Variants in ATP1B4 observed in about 807,000 individuals in gnomAD.
The protein encoded by ATP1B4 is protein ATP1B4.
ATP1B4 carries 32 observed loss-of-function variants against 29.6 expected under a neutral mutation model. That is an observed-to-expected ratio of 1.08 (90% CI 0.82 to 1.45). The LOEUF (loss-of-function observed/expected upper bound fraction) is 1.45, where lower values mean the gene tolerates loss of function less well. Ranked by LOEUF, ATP1B4 falls within the 40% of genes most tolerant of loss-of-function variation. The pLI, the probability that ATP1B4 is intolerant of heterozygous loss-of-function variation, is 0.00. For synonymous variants in ATP1B4, 127 were observed against 102.1 expected (o/e 1.24, Z -1.47); for missense variants, 323 against 276.2 (o/e 1.17, Z -1.20).
intron 7 of ATP1B4, among the ~76,000 whole-genome samples, chrX:120,379,018 CAG>C (rs896688280): frequency 2.7e-5 from 3 of 111,302 alleles, no homozygotes; most frequent in Non-Finnish European, 5.7e-5. Context: ...GGTTCAGAGA[CAG>C]AAAGTGACTT....
rs894682183 is a variant in ATP1B4 at position 120,375,395 on chromosome X, G to A, written c.586G>A (p.Glu196Lys). The change falls in exon 5 of 8, where the codon GAA becomes AAA. Residue 196 changes from glutamate to lysine, a missense_variant. Glu to Lys is a moderately conservative substitution (Grantham distance 56). Coordinates refer to ENST00000218008, the MANE Select transcript of ATP1B4 (RefSeq NM_001142447.3). ...LQGYNDSLQE[E>K]MNVDCPPGQY... Reference sequence around the variant, plus strand: ...AGGTTATAATGACAGTCTTCAAGAGGAAATGAATGTAGATTGTCCCCCGGG... The same window carrying A: ...AGGTTATAATGACAGTCTTCAAGAGAAAATGAATGTAGATTGTCCCCCGGG... 8 of 1,207,676 alleles carry A rather than the reference G, an allele frequency of 6.6e-6. No homozygotes were observed. The highest frequency in any genetic ancestry group is 8.9e-6 in the Non-Finnish European group (8 of 894,221).
At chrX:120,363,687 C>G (rs998064189) in intron 1 of ATP1B4, among the ~76,000 whole-genome samples, 2 of 111,524 alleles carry the variant, frequency 1.8e-5, no homozygotes, top group Admixed American at 1.9e-4. Context: ...CAAAATGGAG[C>G]TACCCTCTGT....
rs555851319 is a variant in ATP1B4 at position 120,376,513 on chromosome X, T to G, written c.816+77T>G. On this transcript the variant is annotated intron_variant, in intron 6 of 7. Transcript: ENST00000218008. ...AGGTAGTCCATCACTTTCAAGGACT[T>G]ACACATGGATGGTAGGCTAAGGAAA... 21 of 871,984 alleles carry G rather than the reference T, an allele frequency of 2.4e-5. No individual in the cohort carries two copies. The African/African-American group carries it at 3.7e-4, about 16-fold the overall frequency. 71.9% of individuals were successfully genotyped at this position (871,984 alleles called of 1,213,427 possible). A position where few individuals can be genotyped will look rare whatever the true frequency, so the allele number is the denominator to read the frequency against.
At chrX:120,374,628 TA>T (rs2058333955) in intron 4 of ATP1B4, among the ~76,000 whole-genome samples, 11 of 56,110 alleles carry the variant, frequency 2.0e-4, no homozygotes, top group African/African-American at 6.3e-4. Context: ...CCCTTATATA[TA>T]ATATAATATT....
intron 2 of ATP1B4, among the ~76,000 whole-genome samples, chrX:120,367,695 G>T (rs907600046): frequency 8.1e-5 from 9 of 111,768 alleles, no homozygotes; most frequent in African/African-American, 2.9e-4. Flanking sequence ...CTAGTGCCAA[G>T]GGTCTAGGTT....
At chrX:120,371,028 A>C (rs772043792) in intron 3 of ATP1B4, 78 bp from the exon 4 acceptor site, 1 of 1,050,806 alleles carries the variant, frequency 9.5e-7, no homozygotes, top group African/African-American at 1.9e-5. Context: ...CCTGGGGGGA[A>C]ATGGTTTCAT....
intron 4 of ATP1B4, among the ~76,000 whole-genome samples, chrX:120,374,732 A>G (rs1487734654): frequency 1.4e-5 from 1 of 69,023 alleles, no homozygotes; most frequent in African/African-American, 5.8e-5. Context: ...TATATATATT[A>G]TATTATATAT....
rs974757632 is a variant in ATP1B4, at chrX:120,381,431, T to C, written c.*1797T>C. Reference sequence around the variant, plus strand: ...AGGCTCTGTGATCACATTTGTGTTTTATTTTATTTTACTTTATTATTTATT... The same window carrying C: ...AGGCTCTGTGATCACATTTGTGTTTCATTTTATTTTACTTTATTATTTATT... On this transcript the variant is annotated 3_prime_UTR_variant, in exon 8 of 8. Transcript: ENST00000218008. 1 of 112,139 alleles carries C rather than the reference T, an allele frequency of 8.9e-6. No individual in the cohort carries two copies. Among genetic ancestry groups the C allele is most frequent in the African/African-American group, 3.2e-5 (1 of 30,827 alleles). 9.2% of individuals were successfully genotyped at this position (112,139 alleles called of 1,213,427 possible).
intron 2 of ATP1B4, among the ~76,000 whole-genome samples, chrX:120,369,869 A>T (rs1346306976): frequency 8.9e-6 from 1 of 112,300 alleles, no homozygotes; most frequent in African/African-American, 3.2e-5. Context: ...CAGACGAGGA[A>T]ATTGAGGCCC....
chrX:120,377,768 C>T lies in ATP1B4; in HGVS notation c.817-910C>T, dbSNP rs758227086. Among the ~76,000 whole-genome samples, 25 of 111,565 alleles carry T rather than the reference C, an allele frequency of 2.2e-4. No homozygotes were observed. In the South Asian group the frequency reaches 8.3e-3, roughly 37 times the overall value. ...GAATCTCTATACATTCTATAATAAA[C>T]AATACTGGTCAAATCCACACCCATT... is the stretch of plus-strand genomic sequence containing the variant. On this transcript the variant is annotated intron_variant, in intron 6 of 7. Coordinates refer to ENST00000218008, the MANE Select transcript of ATP1B4 (RefSeq NM_001142447.3).
chrX:120,370,477 C>T (rs763671779), intron 2 of ATP1B4, among the ~76,000 whole-genome samples: 2 of 112,182 alleles, frequency 1.8e-5, no homozygotes, highest in South Asian at 7.5e-4. Context: ...TCATGGCCAT[C>T]ATTTGCTGAG....
intron 4 of ATP1B4, among the ~76,000 whole-genome samples, chrX:120,374,702 A>AATATATATAT (rs2058337120): frequency 1.8e-5 from 1 of 54,281 alleles, no homozygotes; most frequent in Non-Finnish European, 3.7e-5. Context: ...TATAATATAT[A>AATATATATAT]TATATACCCT....
rs188417681 is a variant in ATP1B4 at position 120,366,867 on chromosome X, G to A, written c.328+78G>A. ...GGTGTTCAGGGCTCCTTTACCATAC[G>A]CTGGATGGGCTTGTCTGCAAACTTC... On this transcript the variant is annotated intron_variant, in intron 2 of 7. Transcript: ENST00000218008. 1.6e-3 allele frequency: 1,833 copies of A among 1,139,036 alleles called. 2 individuals are homozygous for A. The highest frequency in any genetic ancestry group is 2.5e-3 in the South Asian group (115 of 45,301). The allele number at this position is 1,139,036 out of a possible 1,213,427, so 93.9% of individuals were successfully genotyped here. A position where few individuals can be genotyped will look rare whatever the true frequency, so the allele number is the denominator to read the frequency against.
chrX:120,362,371 G>A lies in ATP1B4; in HGVS notation c.63+140G>A. ...ACAGCGAAGTTTAGGGGAGCCCAGG[G>A]TTTCAAAAAGGAGCAGTGACTCCCA... is the stretch of plus-strand genomic sequence containing the variant. On this transcript the variant is annotated intron_variant, in intron 1 of 7. Coordinates refer to ENST00000218008, the MANE Select transcript of ATP1B4 (RefSeq NM_001142447.3). 5.4e-6 allele frequency: 3 copies of A among 552,470 alleles called. No homozygotes were observed. In the South Asian group the frequency reaches 8.8e-5, roughly 16 times the overall value. 45.5% of individuals were successfully genotyped at this position (552,470 alleles called of 1,213,427 possible). A position where few individuals can be genotyped will look rare whatever the true frequency, so the allele number is the denominator to read the frequency against.
rs1462003402 is a variant in ATP1B4, at chrX:120,379,753, G to T, written c.*119G>T. The T allele has an allele frequency of 2.7e-6, 2 of 748,374 alleles. No individual in the cohort carries two copies. The highest frequency in any genetic ancestry group is 3.7e-6 in the Non-Finnish European group (2 of 534,365). The allele number at this position is 748,374 out of a possible 1,213,427, so 61.7% of individuals were successfully genotyped here. A position where few individuals can be genotyped will look rare whatever the true frequency, so the allele number is the denominator to read the frequency against. ...AGCCAGATGGACATCTAAGACAGCC[G>T]ATCATCTTTCCTTGCCTATGACATG... On this transcript the variant is annotated 3_prime_UTR_variant, in exon 8 of 8. Transcript: ENST00000218008.
intron 5 of ATP1B4, 34 bp downstream of exon 5, chrX:120,375,602 C>T (rs199606101): frequency 2.5e-5 from 28 of 1,131,966 alleles, no homozygotes; most frequent in Admixed American, 9.2e-5. Context: ...TGGTGATAAG[C>T]GAATGAACTA....
intron 5 of ATP1B4, 91 bp from the exon 6 acceptor site, chrX:120,376,289 C>A (rs3213723): frequency 1.2e-6 from 1 of 860,006 alleles, no homozygotes; most frequent in East Asian, 3.2e-5. Context: ...CCTGAGGAAG[C>A]ATGACTGGGA....
At chrX:120,376,494 T>A in intron 6 of ATP1B4, 58 bp downstream of exon 6, 5 of 1,052,713 alleles carry the variant, frequency 4.7e-6, no homozygotes, top group Non-Finnish European at 6.6e-6. Flanking sequence ...AAAAAGGTAG[T>A]CCATCACTTT....
chrX:120,362,365 C>G (rs1462176717), intron 1 of ATP1B4, 134 bp downstream of exon 1: 15 of 574,796 alleles, frequency 2.6e-5, no homozygotes, highest in Non-Finnish European at 4.3e-5. Flanking sequence ...TTTAGGGGAG[C>G]CCAGGGTTTC....
Sources: allele counts gnomAD v4.1 joint callset (sites outside exome capture counted in the v4.1 genomes callset), GRCh38; gene constraint gnomAD v4.1.1; transcripts MANE v1.5; gene names NCBI Gene and HGNC (gene_info 2026-07-23, HGNC 2026-07-21).